Variants in SPDYA observed in about 807,000 individuals in gnomAD.
SPDYA encodes the protein speedy/RINGO cell cycle regulator family member A, also known as speedy protein A.
A neutral mutation model predicts 36.7 loss-of-function variants in SPDYA; 11 were observed. The observed-to-expected ratio is 0.30, with a 90% CI of 0.19 to 0.50. SPDYA has a LOEUF of 0.50. Among genes scored for constraint, SPDYA ranks in the 20% least tolerant of loss-of-function variants. The pLI is 0.98. For synonymous variants in SPDYA, 115 were observed against 118.7 expected, an observed-to-expected ratio of 0.97 and a Z score of 0.20; for missense variants, 287 against 370.9, an observed-to-expected ratio of 0.77 and a Z score of 1.86.
At chr2:28,830,939 A>T (rs1668466339) in intron 6 of SPDYA, among the ~76,000 whole-genome samples, 1 of 152,184 alleles carries the variant, frequency 6.6e-6, no homozygotes, top group Admixed American at 6.5e-5. Flanking sequence ...GTTAAGAAAA[A>T]TTTGATAAAT....
chr2:28,830,376 T>G (rs1458062292), intron 6 of SPDYA, among the ~76,000 whole-genome samples: 2 of 151,918 alleles, frequency 1.3e-5, no homozygotes, highest in Non-Finnish European at 2.9e-5. Flanking sequence ...GCTAATGTTT[T>G]GTATTTTTAG....
intron 4 of SPDYA, among the ~76,000 whole-genome samples, chr2:28,821,505 G>GTT (rs1390860724): frequency 6.6e-6 from 1 of 152,072 alleles, no homozygotes; most frequent in African/African-American, 2.4e-5. Flanking sequence ...CCGTCAGGAA[G>GTT]TTTTAAACTT....
Position 28,850,265 on chromosome 2 carries a change from T to C in SPDYA, c.*324T>C, listed in dbSNP as rs1326905616. 9 of 1,607,992 alleles carry C rather than the reference T, an allele frequency of 5.6e-6. No individual in the cohort carries two copies. Among genetic ancestry groups the C allele is most frequent in the Non-Finnish European group, 7.7e-6 (9 of 1,176,378 alleles). ...AAGCTAATTTAAGAGAAGAAAAACA[T>C]AAAGTCATTATATTAATTAAAAGAA... On this transcript the variant is annotated 3_prime_UTR_variant, in exon 8 of 8. Transcript: ENST00000334056.
chr2:28,839,459 A>C (rs1477202509), intron 6 of SPDYA, among the ~76,000 whole-genome samples: 2 of 152,194 alleles, frequency 1.3e-5, no homozygotes, highest in Non-Finnish European at 2.9e-5. Context: ...AGACATTTTA[A>C]GATTACCATA....
At chr2:28,815,200 T>G (rs1667954233) in intron 2 of SPDYA, among the ~76,000 whole-genome samples, 1 of 151,316 alleles carries the variant, frequency 6.6e-6, no homozygotes, top group Non-Finnish European at 1.5e-5. Context: ...GAGGATCACT[T>G]GAGTCCAGGA....
intron 7 of SPDYA, among the ~76,000 whole-genome samples, chr2:28,847,603 G>A (rs1347630796): frequency 6.6e-6 from 1 of 151,252 alleles, no homozygotes; most frequent in Admixed American, 6.6e-5. Flanking sequence ...AAAATTAGCC[G>A]GGCGTGATGG....
chr2:28,819,836 AAAAAAAAAAAAAAATAT>A (rs1668089947), intron 4 of SPDYA, among the ~76,000 whole-genome samples: 1 of 52,168 alleles, frequency 1.9e-5, no homozygotes, highest in African/African-American at 8.2e-5. Context: ...AAAAAAAAAA[AAAAAAAAAAAAAAATAT>A]ATATATATAT....
Position 28,829,965 on chromosome 2 carries a change from G to GA in SPDYA, c.552+650dup, listed in dbSNP as rs1331845034. Among the ~76,000 whole-genome samples the GA allele has an allele frequency of 9.3e-5, 11 of 118,224 alleles. No homozygotes were observed. The Admixed American group carries it at 1.0e-3, about 11-fold the overall frequency. The allele number at this position is 118,224 out of a possible 152,430, so 77.6% of individuals were successfully genotyped here. Reference sequence around the variant, plus strand: ...TCTCAAAAAAAAAAAAAAAAGAAAAGAAAAGAAAAAGAAAAATACAAAAAT... The same window carrying GA: ...TCTCAAAAAAAAAAAAAAAAGAAAAGAAAAAGAAAAAGAAAAATACAAAAAT... On this transcript the variant is annotated intron_variant, in intron 6 of 7. Coordinates refer to ENST00000334056, the MANE Select transcript of SPDYA (RefSeq NM_182756.4).
At chr2:28,846,965 C>G (rs1283685677) in intron 7 of SPDYA, among the ~76,000 whole-genome samples, 3 of 152,052 alleles carry the variant, frequency 2.0e-5, no homozygotes, top group Non-Finnish European at 4.4e-5. Context: ...AATAGGCATT[C>G]AAAGCATTAA....
intron 6 of SPDYA, among the ~76,000 whole-genome samples, chr2:28,836,494 A>T (rs1056756015): frequency 6.6e-6 from 1 of 152,194 alleles, no homozygotes; most frequent in African/African-American, 2.4e-5. Context: ...AAGAAAGAAC[A>T]TGTGCTGTCT....
In SPDYA at chr2:28,850,421, A is replaced by G. The variant is rs1455989975; in HGVS notation, c.*480A>G. 3 of 1,500,414 alleles carry G rather than the reference A, an allele frequency of 2.0e-6. No individual in the cohort carries two copies. Among genetic ancestry groups the G allele is most frequent in the East Asian group, 2.3e-5 (1 of 44,238 alleles). The allele number at this position is 1,500,414 out of a possible 1,614,324, so 92.9% of individuals were successfully genotyped here. A position where few individuals can be genotyped will look rare whatever the true frequency, so the allele number is the denominator to read the frequency against. ...TGCGATTCTTCTGTTGTAAAAAAAT[A>G]TATGTACTATAAGCTACATAAAATA... On this transcript the variant is annotated 3_prime_UTR_variant, in exon 8 of 8. Transcript: ENST00000334056.
At chr2:28,841,433 T>C (rs1287889136) in intron 7 of SPDYA, among the ~76,000 whole-genome samples, 1 of 152,150 alleles carries the variant, frequency 6.6e-6, no homozygotes, top group Non-Finnish European at 1.5e-5. Flanking sequence ...TTTCTAGAAA[T>C]GTCTAGAAAT....
intron 5 of SPDYA, among the ~76,000 whole-genome samples, chr2:28,823,517 G>A (rs1036462814): frequency 1.3e-5 from 2 of 149,444 alleles, no homozygotes; most frequent in African/African-American, 2.5e-5. Context: ...CCAGCTACTC[G>A]GTAGGCTGAG....
At chr2:28,833,314 A>G (rs925192812) in intron 6 of SPDYA, among the ~76,000 whole-genome samples, 2 of 151,950 alleles carry the variant, frequency 1.3e-5, no homozygotes, top group Non-Finnish European at 2.9e-5. Flanking sequence ...ATTTCATCTC[A>G]TATCTTTGCT....
intron 3 of SPDYA, among the ~76,000 whole-genome samples, chr2:28,818,380 G>A (rs997924271): frequency 4.7e-5 from 7 of 149,414 alleles, no homozygotes; most frequent in Non-Finnish European, 3.0e-5. Flanking sequence ...GAAGCCAGAG[G>A]ATCACTTGAG....
In SPDYA at chr2:28,834,081, A is replaced by AACACACACAC. The variant is rs56865803; in HGVS notation, c.552+4787_552+4796dup. 4.3e-3 allele frequency among the ~76,000 whole-genome samples: 635 copies of AACACACACAC among 146,966 alleles called. 2 individuals carry two copies. Among genetic ancestry groups the AACACACACAC allele is most frequent in the East Asian group, 0.014 (68 of 4,966 alleles). ...CCAAAGAAGGTATGCAAATTGCTAA[A>AACACACACAC]ACACACACACACACACACACACACA... On this transcript the variant is annotated intron_variant, in intron 6 of 7. Transcript: ENST00000334056.
intron 5 of SPDYA, among the ~76,000 whole-genome samples, chr2:28,824,554 T>TTTTTTTTTCTTTC (rs1668271112): frequency 7.8e-6 from 1 of 128,684 alleles, no homozygotes; most frequent in Non-Finnish European, 1.8e-5. Flanking sequence ...TCTTTCTTTC[T>TTTTTTTTTCTTTC]TTTTTTTTTT....
At chr2:28,836,919 G>C (rs1668618735) in intron 6 of SPDYA, among the ~76,000 whole-genome samples, 1 of 152,170 alleles carries the variant, frequency 6.6e-6, no homozygotes, top group Non-Finnish European at 1.5e-5. Context: ...TCTAATGAGA[G>C]AGTTAGACTA....
At chr2:28,824,621 G>A (rs1383927825) in intron 5 of SPDYA, among the ~76,000 whole-genome samples, 3 of 147,166 alleles carry the variant, frequency 2.0e-5, no homozygotes, top group African/African-American at 5.0e-5. Context: ...ATCTCAGCTT[G>A]CTGCAACCTC....
Sources: allele counts gnomAD v4.1 joint callset (sites outside exome capture counted in the v4.1 genomes callset), GRCh38; gene constraint gnomAD v4.1.1; transcripts MANE v1.5; gene names NCBI Gene and HGNC (gene_info 2026-07-23, HGNC 2026-07-21).